DNAH3: variants seen among roughly 807,000 people sequenced by gnomAD.
The protein encoded by DNAH3 is dynein axonemal heavy chain 3.
Under a neutral mutation model 432.5 loss-of-function variants are expected in DNAH3, and 332 were observed. That is an observed-to-expected ratio of 0.77 (90% confidence interval 0.70 to 0.84). The LOEUF is 0.84. Among genes scored for constraint, DNAH3 ranks in the 40% least tolerant of loss-of-function variants. DNAH3 has a pLI of 0.00. For missense variants in DNAH3, 4,861 were observed against 5,114.0 expected, an observed-to-expected ratio of 0.95 and a Z score of 1.51; for synonymous variants, 1,956 against 1,900.2, an observed-to-expected ratio of 1.03 and a Z score of -0.76.
intron 57 of DNAH3, among the ~76,000 whole-genome samples, chr16:20,945,332 G>A (rs528241397): frequency 8.5e-5 from 13 of 152,256 alleles, no homozygotes; most frequent in African/African-American, 3.1e-4. Context: ...CTAGAAAGGG[G>A]AGGAACCCTC....
rs1356651632 is a variant in DNAH3, at chr16:21,019,767, A to G, written c.5879T>C (p.Val1960Ala). 5 of 1,614,166 alleles carry G rather than the reference A, an allele frequency of 3.1e-6. No homozygotes were observed. In the Admixed American group the frequency reaches 8.3e-5, roughly 27 times the overall value. ...GTTGATGGTGCCAGCCACGGTCCAC[A>G]CCAAGGAAAAGAGAAACAGTCCTTG... The change falls in exon 41 of 62, where the codon GTG becomes GCG. Residue 1960 changes from valine (V) to alanine (A), a missense_variant. Physicochemically the swap from Val to Ala is moderately conservative, Grantham distance 64. Coordinates refer to ENST00000261383, the Ensembl canonical transcript of DNAH3.
At chr16:21,104,687 G>C in intron 15 of DNAH3, 93 bp from the exon 16 acceptor site, 1 of 716,796 alleles carries the variant, frequency 1.4e-6, no homozygotes. Context: ...GAGGTCAACA[G>C]GAGTGGTGTG....
intron 60 of DNAH3, among the ~76,000 whole-genome samples, chr16:20,935,907 C>T (rs1172953275): frequency 6.6e-6 from 1 of 151,572 alleles, no homozygotes; most frequent in Non-Finnish European, 1.5e-5. Flanking sequence ...GTGGTGGGGA[C>T]TGTAGCAGTG....
chr16:20,954,513 C>T (rs2084470520), intron 55 of DNAH3, among the ~76,000 whole-genome samples: 1 of 151,966 alleles, frequency 6.6e-6, no homozygotes, highest in Admixed American at 6.6e-5. Flanking sequence ...TGGTCTCGAA[C>T]TCCTGGCCTC....
At chr16:21,067,757 T>TGA (rs1469229191) in intron 23 of DNAH3, among the ~76,000 whole-genome samples, 1 of 29,804 alleles carries the variant, frequency 3.4e-5, no homozygotes, top group African/African-American at 1.7e-4. Context: ...AAGCCAGTCT[T>TGA]GGGGGGGGGG....
Position 21,026,961 on chromosome 16 carries a change from T to C in DNAH3, c.5540+66A>G, listed in dbSNP as rs966475098. ...CATCACATTTGTGAAATTTGAGAGC[T>C]TTCTCTTTTGCTTAGGGTGAGTGGA... On this transcript the variant is annotated intron_variant, in intron 38 of 61. Coordinates refer to ENST00000261383, the Ensembl canonical transcript of DNAH3. 3.6e-6 allele frequency: 4 copies of C among 1,117,690 alleles called. No individual in the cohort carries two copies. The Admixed American group carries it at 7.7e-5, about 22-fold the overall frequency. The allele number at this position is 1,117,690 out of a possible 1,614,324, so 69.2% of individuals were successfully genotyped here. A position where few individuals can be genotyped will look rare whatever the true frequency, so the allele number is the denominator to read the frequency against.
chr16:21,075,353 G>T, intron 21 of DNAH3, 94 bp downstream of exon 21: 1 of 899,650 alleles, frequency 1.1e-6, no homozygotes, highest in Non-Finnish European at 1.9e-6. Flanking sequence ...TTCTCTGTGA[G>T]TTCTGTTGCC....
chr16:21,048,718 T>TA (rs1028535588), intron 31 of DNAH3, among the ~76,000 whole-genome samples: 4 of 151,390 alleles, frequency 2.6e-5, no homozygotes, highest in African/African-American at 9.7e-5. Flanking sequence ...TTTTTTTTTT[T>TA]AAACAGAGTT....
chr16:20,985,075 A>C lies in DNAH3; in HGVS notation c.7665+2T>G. On this transcript the variant is annotated splice_donor_variant, in intron 48 of 61. Transcript: ENST00000261383. LOFTEE classifies it high-confidence loss of function. ...GAGGACAATGTGAAGGTTCTTTCTCACCCTCTCAATAAAGAAGTTATACAT... is the reference window on the plus strand; with the variant it reads ...GAGGACAATGTGAAGGTTCTTTCTCCCCCTCTCAATAAAGAAGTTATACAT... The C allele has an allele frequency of 3.1e-6, 5 of 1,609,140 alleles. No homozygotes were observed. Among genetic ancestry groups the C allele is most frequent in the Non-Finnish European group, 4.2e-6 (5 of 1,176,924 alleles).
At position 20,959,350 on chromosome 16, in the gene DNAH3, A is replaced by G. The variant is rs1053159733; in HGVS notation, c.10655T>C (p.Ile3552Thr). 6 of 1,614,046 alleles carry G rather than the reference A, an allele frequency of 3.7e-6. No individual in the cohort carries two copies. The African/African-American group carries it at 8.0e-5, about 22-fold the overall frequency. ...AGGGCCTTGGCCTTGGCCAAGGGAG[A>G]TGGTCTGTGTTCTGGTACCTCCCAT... The change falls in exon 54 of 62, where the codon ATC becomes ACC. Residue 3552 changes from isoleucine (I) to threonine (T), a missense_variant. Physicochemically the swap from Ile to Thr is moderately conservative, Grantham distance 89. Coordinates refer to ENST00000261383, the Ensembl canonical transcript of DNAH3.
chr16:20,976,256 G>A (rs2085586164), intron 50 of DNAH3, among the ~76,000 whole-genome samples: 2 of 151,658 alleles, frequency 1.3e-5, no homozygotes, highest in South Asian at 4.2e-4. Flanking sequence ...GTAGTGGTGA[G>A]ATCTCAGCTC....
At chr16:21,041,970 G>A in intron 32 of DNAH3, 57 bp downstream of exon 32, 1 of 1,600,014 alleles carries the variant, frequency 6.2e-7, no homozygotes, top group South Asian at 1.1e-5. Context: ...GCCACACCCG[G>A]CCCAGAGGTT....
intron 36 of DNAH3, among the ~76,000 whole-genome samples, chr16:21,031,993 C>A (rs1292201065): frequency 1.3e-5 from 2 of 151,646 alleles, no homozygotes; most frequent in Non-Finnish European, 2.9e-5. Flanking sequence ...TGAGGCCATG[C>A]CACTGCACTC....
At chr16:21,151,413 C>T (rs1158252626) in intron 1 of DNAH3, among the ~76,000 whole-genome samples, 1 of 151,452 alleles carries the variant, frequency 6.6e-6, no homozygotes, top group Non-Finnish European at 1.5e-5. Flanking sequence ...CTCTGCCTCC[C>T]GGGTTCACAC....
chr16:21,089,962 A>G (rs2091482584), intron 18 of DNAH3, among the ~76,000 whole-genome samples: 1 of 152,142 alleles, frequency 6.6e-6, no homozygotes, highest in African/African-American at 2.4e-5. Flanking sequence ...GAAGATGCAA[A>G]TTACCAATAT....
chr16:21,112,090 T>C (rs940196989), exon 13 of DNAH3: 1 of 1,606,928 alleles, frequency 6.2e-7, no homozygotes, highest in Non-Finnish European at 8.5e-7. Flanking sequence ...TTTGTAGACA[T>C]TTAAATATCT....
chr16:20,977,591 G>A (rs1229035401), intron 50 of DNAH3, among the ~76,000 whole-genome samples: 1 of 152,200 alleles, frequency 6.6e-6, no homozygotes, highest in Non-Finnish European at 1.5e-5. Context: ...AAGCACAGCA[G>A]GCTGGCCTAG....
chr16:21,141,919 G>A (rs1410937344), intron 3 of DNAH3, among the ~76,000 whole-genome samples: 2 of 152,104 alleles, frequency 1.3e-5, no homozygotes, highest in Admixed American at 1.3e-4. Flanking sequence ...GGGCATTGCG[G>A]CGAGCGCCTG....
At chr16:21,128,052 TTA>T (rs920302268) in intron 7 of DNAH3, among the ~76,000 whole-genome samples, 8 of 152,050 alleles carry the variant, frequency 5.3e-5, no homozygotes, top group African/African-American at 1.9e-4. Context: ...CTCCTGAGCC[TTA>T]GAGATATGCC....
Sources: allele counts gnomAD v4.1 joint callset (sites outside exome capture counted in the v4.1 genomes callset), GRCh38; gene constraint gnomAD v4.1.1; transcripts MANE v1.5; gene names NCBI Gene and HGNC (gene_info 2026-07-23, HGNC 2026-07-21).